Variants in GSE1 observed in about 807,000 individuals in gnomAD.
GSE1 encodes the protein Gse1 coiled-coil protein, also known as genetic suppressor element 1.
GSE1 carries 32 observed loss-of-function variants against 112.6 expected under a neutral mutation model. The ratio of observed to expected loss-of-function variants is 0.28; its 90% CI spans 0.21 to 0.38. The LOEUF (loss-of-function observed/expected upper bound fraction) is 0.38. GSE1 is among the 10% of genes least tolerant of loss of function. The pLI is 1.00. For missense variants in GSE1, 2,348 were observed against 1,699.2 expected, an observed-to-expected ratio of 1.38 and a Z score of -6.71; for synonymous variants, 1,115 against 735.6, an observed-to-expected ratio of 1.52 and a Z score of -8.35.
At chr16:85,329,514 G>T (rs2046295431) in intron 1 of GSE1, among the ~76,000 whole-genome samples, 1 of 151,888 alleles carries the variant, frequency 6.6e-6, no homozygotes, top group Non-Finnish European at 1.5e-5. Flanking sequence ...CCTCAGTCGG[G>T]CACCCGCTGG....
chr16:85,562,567 G>C (rs113785333), intron 1 of GSE1, among the ~76,000 whole-genome samples: 1 of 152,218 alleles, frequency 6.6e-6, no homozygotes, highest in Non-Finnish European at 1.5e-5. Flanking sequence ...GTCCTTCTAC[G>C]CAGGGGAAAG....
Position 85,485,412 on chromosome 16 carries a change from C to T in GSE1, c.2464+127769C>T, listed in dbSNP as rs550712805. Among the ~76,000 whole-genome samples the T allele has an allele frequency of 6.0e-5, 9 of 149,458 alleles. 1 individual carries two copies. In the South Asian group the frequency reaches 1.9e-3, roughly 31 times the overall value. The stretch of plus-strand genomic sequence containing the variant: ...GGGGAGCCCTGTCCTCCTCCTCTTC[C>T]TCCCCTGTGCCTTCACTTCTGCCTT... On this transcript the variant is annotated intron_variant, in intron 2 of 2. Transcript: ENST00000637419.
Position 85,654,812 on chromosome 16 carries a change from C to G in GSE1, c.618C>G (p.His206Gln), listed in dbSNP as rs372442456. The G allele has an allele frequency of 6.2e-7, 1 of 1,611,270 alleles. No individual in the cohort carries two copies. The stretch of plus-strand genomic sequence containing the variant: ...CCTGCAGCCTCCAGCGGCCCGTGCA[C>G]CACGTGGTGCCCCCCAGTACCGTGA... The part of the protein sequence containing the change: ...FPPLNLQRPV[H>Q]HVVPPSTVTE... Residue 206 changes from histidine (H) to glutamine (Q), a missense_variant, in exon 5 of 16, where the codon CAC becomes CAG. By Grantham distance (24) the His-to-Gln change is conservative. Transcript: ENST00000253458.
At chr16:85,305,964 G>A (rs2045666406) in intron 1 of GSE1, among the ~76,000 whole-genome samples, 1 of 152,094 alleles carries the variant, frequency 6.6e-6, no homozygotes, top group African/African-American at 2.4e-5. Context: ...AGTGGTGCGT[G>A]CCTGTAATGC....
chr16:85,332,244 G>A (rs2046390528), intron 1 of GSE1, among the ~76,000 whole-genome samples: 1 of 152,160 alleles, frequency 6.6e-6, no homozygotes, highest in Non-Finnish European at 1.5e-5. Context: ...GGCCATGAGA[G>A]GGGGCTGCAG....
Position 85,672,397 on chromosome 16 carries a change from C to G in GSE1, c.3520-8C>G. ...GGTTGGTTTTGACACAAATTTCCCT[C>G]TCTCCAGGAGTTGAGGAGCCAGAAA... On this transcript the variant is annotated splice_polypyrimidine_tract_variant and splice_region_variant and intron_variant, in intron 15 of 15. Transcript: ENST00000253458. 7 of 1,607,114 alleles carry G rather than the reference C, an allele frequency of 4.4e-6. No individual in the cohort carries two copies. Among genetic ancestry groups the G allele is most frequent in the Non-Finnish European group, 6.0e-6 (7 of 1,174,450 alleles).
At chr16:85,296,221 G>A (rs1021891749) in intron 1 of GSE1, among the ~76,000 whole-genome samples, 1 of 152,272 alleles carries the variant, frequency 6.6e-6, no homozygotes, top group African/African-American at 2.4e-5. Flanking sequence ...GTCCCTCCCC[G>A]TGGCCAGTCT....
At chr16:85,360,059 A>C (rs911151598) in intron 2 of GSE1, among the ~76,000 whole-genome samples, 1 of 152,128 alleles carries the variant, frequency 6.6e-6, no homozygotes, top group African/African-American at 2.4e-5. Context: ...AATTAAAAAA[A>C]TGTTTTAAAA....
At chr16:85,255,355 A>G (rs1490058353) in intron 1 of GSE1, among the ~76,000 whole-genome samples, 1 of 151,142 alleles carries the variant, frequency 6.6e-6, no homozygotes, top group African/African-American at 2.4e-5. Flanking sequence ...ACCACTGATG[A>G]TACCCCTCCC....
intron 1 of GSE1, among the ~76,000 whole-genome samples, chr16:85,290,233 G>A (rs779623808): frequency 6.6e-5 from 10 of 152,178 alleles, no homozygotes; most frequent in African/African-American, 1.4e-4. Flanking sequence ...GGCCCCGCCC[G>A]CACTTCCCTG....
At chr16:85,196,021 C>T (rs1349635430) in intron 1 of GSE1, among the ~76,000 whole-genome samples, 2 of 152,126 alleles carry the variant, frequency 1.3e-5, no homozygotes, top group Admixed American at 6.5e-5. Context: ...GGGCAGCACC[C>T]GATAACCAAA....
At chr16:85,361,314 C>A (rs543927811) in intron 2 of GSE1, among the ~76,000 whole-genome samples, 1 of 45,210 alleles carries the variant, frequency 2.2e-5, no homozygotes, top group African/African-American at 8.8e-5. Flanking sequence ...CAGGCACAGA[C>A]CCCCCCACAC....
chr16:85,381,342 G>A (rs138706935), intron 2 of GSE1, among the ~76,000 whole-genome samples: 12 of 152,282 alleles, frequency 7.9e-5, no homozygotes, highest in African/African-American at 2.9e-4. Flanking sequence ...CCCATGTTAT[G>A]TATTTGTCCT....
chr16:85,666,131 G>C lies in GSE1; in HGVS notation c.2914G>C (p.Glu972Gln). 6.2e-7 allele frequency: 1 copy of C among 1,613,316 alleles called. No individual in the cohort carries two copies. The highest frequency in any genetic ancestry group is 8.5e-7 in the Non-Finnish European group (1 of 1,179,964). The change falls in exon 13 of 16, where the codon GAG becomes CAG. Residue 972 changes from glutamate (E) to glutamine (Q), a missense_variant. Transcript: ENST00000253458. ...RVQELAPASGEKARLSEAPGG... is the reference protein window; with the variant it reads ...RVQELAPASGQKARLSEAPGG... ...CCAGGAGCTAGCTCCTGCCAGCGGG[G>C]AGAAGGCCAGGCTGAGCGAGGCCCC...
chr16:85,275,145 C>T (rs953900909), intron 1 of GSE1, among the ~76,000 whole-genome samples: 3 of 152,200 alleles, frequency 2.0e-5, no homozygotes, highest in Admixed American at 2.0e-4. Flanking sequence ...TGTGCGGGCC[C>T]CACCCCCAGA....
intron 2 of GSE1, among the ~76,000 whole-genome samples, chr16:85,643,012 T>C (rs1598527197): frequency 6.6e-6 from 1 of 151,836 alleles, no homozygotes; most frequent in Admixed American, 6.6e-5. Context: ...GTGCCGGTGG[T>C]TTTTGCCTGG....
chr16:85,438,863 C>T (rs1006391874), intron 2 of GSE1, among the ~76,000 whole-genome samples: 3 of 152,192 alleles, frequency 2.0e-5, no homozygotes, highest in Non-Finnish European at 2.9e-5. Flanking sequence ...GTGCAGCTCC[C>T]GTACTGACCA....
At chr16:85,178,348 C>A (rs1003259107) in intron 1 of GSE1, among the ~76,000 whole-genome samples, 1 of 152,010 alleles carries the variant, frequency 6.6e-6, no homozygotes, top group Non-Finnish European at 1.5e-5. Context: ...AACAGTCATT[C>A]TGCATGGAGC....
At chr16:85,630,414 A>G (rs984682225) in intron 1 of GSE1, among the ~76,000 whole-genome samples, 1 of 152,176 alleles carries the variant, frequency 6.6e-6, no homozygotes, top group Non-Finnish European at 1.5e-5. Context: ...GTGTGATCAT[A>G]GCTCACTGTA....
Sources: gnomAD v4.1 joint callset for allele counts (sites outside exome capture counted in the v4.1 genomes callset) on GRCh38, gnomAD v4.1.1 for gene constraint, MANE v1.5 for transcripts, NCBI Gene and HGNC (gene_info 2026-07-23, HGNC 2026-07-21) for gene names.